Variants in KIAA1217 observed in about 807,000 individuals in gnomAD.
KIAA1217 encodes the protein KIAA1217.
Under a neutral mutation model 163.9 loss-of-function variants are expected in KIAA1217, and 88 were observed. The ratio of observed to expected loss-of-function variants is 0.54; its 90% confidence interval spans 0.45 to 0.64. The LOEUF is 0.64. Among genes scored for constraint, KIAA1217 ranks in the 30% least tolerant of loss-of-function variants. KIAA1217 has a pLI of 0.00. For missense variants in KIAA1217, 2,372 were observed against 2,475.0 expected (o/e 0.96, Z 0.88); for synonymous variants, 903 against 923.1 (o/e 0.98, Z 0.39).
chr10:24,029,937 GA>G lies in KIAA1217; in HGVS notation c.-171+22567del, dbSNP rs1848124183. Among the ~76,000 whole-genome samples the G allele has an allele frequency of 3.9e-5, 6 of 152,192 alleles. No individual in the cohort carries two copies. In the South Asian group the frequency reaches 1.2e-3, roughly 32 times the overall value. On this transcript the variant is annotated intron_variant, in intron 2 of 18. Coordinates refer to the KIAA1217 transcript ENST00000376462. ...GGCAGCCATGGTTAGGCCTCAGAGA[GA>G]AAACCTGGTCCCTCCTCTGATCGCA...
chr10:23,980,528 G>A lies in KIAA1217; in HGVS notation c.-320-26697G>A, dbSNP rs767638115. On this transcript the variant is annotated intron_variant, in intron 1 of 18. Coordinates refer to the KIAA1217 transcript ENST00000376462. ...GTGCCTTGAGACCTTGGATCACCAG[G>A]AGAGTGTCCCTCGGGTTTTGTGTGG... is the stretch of plus-strand genomic sequence containing the variant. Among the ~76,000 whole-genome samples, 272 of 152,140 alleles carry A rather than the reference G, an allele frequency of 1.8e-3. 8 individuals are homozygous for A. The highest frequency in any genetic ancestry group is 5.6e-4 in the Non-Finnish European group (38 of 68,032).
rs535904439 is a variant in KIAA1217 at position 24,531,953 on chromosome 10, A to G, written c.3206A>G (p.Asp1069Gly). ...GGACTCACCACCACGAGGTCAGGCG[A>G]TGTGGTCTACACCGGCAGAAAGGAG... The part of the protein sequence containing the change: ...GSGLTTTRSG[D>G]VVYTGRKENI... The change falls in exon 15 of 21, where the codon GAT becomes GGT. Residue 1069 changes from aspartate to glycine, a missense_variant. Asp to Gly is a moderately conservative substitution (Grantham distance 94, BLOSUM62 -1). Transcript: ENST00000376454. 1.9e-6 allele frequency: 3 copies of G among 1,608,252 alleles called. No individual in the cohort carries two copies. The Admixed American group carries it at 5.0e-5, about 27-fold the overall frequency.
intron 1 of KIAA1217, among the ~76,000 whole-genome samples, chr10:23,856,911 G>C (rs2131119778): frequency 6.6e-6 from 1 of 152,354 alleles, no homozygotes; most frequent in South Asian, 2.1e-4. Flanking sequence ...GGTGCTGTCT[G>C]TCACCCCTTT....
chr10:23,734,460 T>G (rs1172194314), intron 1 of KIAA1217, among the ~76,000 whole-genome samples: 1 of 151,950 alleles, frequency 6.6e-6, no homozygotes, highest in Non-Finnish European at 1.5e-5. Flanking sequence ...CTAATTTTTT[T>G]GTATTTTTAC....
chr10:24,391,253 G>C (rs1173997396), intron 3 of KIAA1217, among the ~76,000 whole-genome samples: 1 of 151,788 alleles, frequency 6.6e-6, no homozygotes, highest in African/African-American at 2.4e-5. Context: ...TCAGTGATCA[G>C]GGACTATGAG....
chr10:23,783,545 T>C (rs1237609755), intron 1 of KIAA1217, among the ~76,000 whole-genome samples: 2 of 152,208 alleles, frequency 1.3e-5, no homozygotes, highest in East Asian at 3.9e-4. Flanking sequence ...GGTGTTTTTA[T>C]CTAGTTTTGT....
chr10:24,473,438 A>AGCC lies in KIAA1217; in HGVS notation c.1058_1060dup (p.Ser353_Leu354insArg). The AGCC allele has an allele frequency of 1.2e-6, 2 of 1,614,120 alleles. No individual in the cohort carries two copies. Among genetic ancestry groups the AGCC allele is most frequent in the Non-Finnish European group, 1.7e-6 (2 of 1,180,018 alleles). ...CACCATCCCCAGGGACAGAATCTCC[A>AGCC]GCCTGCCAGTCTCCAGACCCATCTC... On this transcript the variant is annotated inframe_insertion, in exon 6 of 21. Transcript: ENST00000376454.
chr10:24,495,850 A>T (rs550960063), intron 8 of KIAA1217, among the ~76,000 whole-genome samples: 2 of 152,162 alleles, frequency 1.3e-5, no homozygotes, highest in Non-Finnish European at 2.9e-5. Context: ...TATCTTTTTA[A>T]TCTCATGACA....
chr10:23,877,882 C>A (rs1178434112), intron 1 of KIAA1217, among the ~76,000 whole-genome samples: 1 of 151,914 alleles, frequency 6.6e-6, no homozygotes, highest in Non-Finnish European at 1.5e-5. Flanking sequence ...ATGGACACAG[C>A]GAAAATGTTA....
chr10:24,304,126 C>A (rs1391219667), intron 2 of KIAA1217, among the ~76,000 whole-genome samples: 4 of 114,838 alleles, frequency 3.5e-5, no homozygotes, highest in Non-Finnish European at 7.0e-5. Flanking sequence ...GTGAATCCTC[C>A]ACATTTTTTT....
At chr10:24,061,410 T>C (rs2060717046) in intron 2 of KIAA1217, among the ~76,000 whole-genome samples, 1 of 152,220 alleles carries the variant, frequency 6.6e-6, no homozygotes, top group African/African-American at 2.4e-5. Context: ...ATGCTTCAAA[T>C]ACAATGATTT....
chr10:23,748,312 T>C (rs1041357916), intron 1 of KIAA1217, among the ~76,000 whole-genome samples: 3 of 151,802 alleles, frequency 2.0e-5, no homozygotes, highest in African/African-American at 4.8e-5. Context: ...GCTCAAGAAT[T>C]TTAATTTTCT....
intron 5 of KIAA1217, among the ~76,000 whole-genome samples, chr10:24,471,150 C>A (rs2063470850): frequency 1.3e-5 from 2 of 152,172 alleles, no homozygotes; most frequent in African/African-American, 4.8e-5. Flanking sequence ...CTCCTGGTGC[C>A]TCTACTATCC....
intron 2 of KIAA1217, among the ~76,000 whole-genome samples, chr10:24,322,004 G>A (rs1157806867): frequency 2.0e-5 from 3 of 151,858 alleles, no homozygotes; most frequent in East Asian, 1.9e-4. Flanking sequence ...GCTGGAGTGC[G>A]GTGGCCCGAT....
chr10:24,211,437 C>T (rs982421050), intron 1 of KIAA1217, among the ~76,000 whole-genome samples: 2 of 132,240 alleles, frequency 1.5e-5, no homozygotes, highest in African/African-American at 5.7e-5. Flanking sequence ...GTGGTGTGAT[C>T]ATAGCTCACT....
At chr10:24,236,166 A>C (rs541099410) in intron 2 of KIAA1217, among the ~76,000 whole-genome samples, 2 of 152,096 alleles carry the variant, frequency 1.3e-5, no homozygotes, top group Non-Finnish European at 2.9e-5. Context: ...ATGATAAAAA[A>C]ATTGATATTT....
intron 2 of KIAA1217, among the ~76,000 whole-genome samples, chr10:24,090,897 T>G (rs904993466): frequency 1.3e-5 from 2 of 151,882 alleles, no homozygotes; most frequent in Admixed American, 1.3e-4. Flanking sequence ...GAAACACTAG[T>G]TACCTATGTA....
At chr10:23,942,380 T>C (rs11013806) in intron 1 of KIAA1217, among the ~76,000 whole-genome samples, 67,240 of 152,076 alleles carry the variant, frequency 0.44, 18,814 homozygotes, top group African/African-American at 0.8. Flanking sequence ...AATAGAAATT[T>C]TAAAAGTGAA....
At chr10:23,717,418 A>G (rs535923028) in intron 1 of KIAA1217, among the ~76,000 whole-genome samples, 35 of 152,212 alleles carry the variant, frequency 2.3e-4, no homozygotes, top group African/African-American at 8.2e-4. Context: ...TCACTATCAC[A>G]CTATGAGGTA....
Sources: allele counts gnomAD v4.1 joint callset (sites outside exome capture counted in the v4.1 genomes callset), GRCh38; gene constraint gnomAD v4.1.1; transcripts MANE v1.5; gene names NCBI Gene and HGNC (gene_info 2026-07-23, HGNC 2026-07-21).